The following DAB1 variants were observed in gnomAD, a reference collection of about 807,000 sequenced individuals.
DAB1 encodes DAB adaptor protein 1.
Under a neutral mutation model 64.6 loss-of-function variants are expected in DAB1, and 15 were observed. The observed-to-expected ratio is 0.23, with a 90% CI of 0.16 to 0.36. DAB1 has a LOEUF of 0.36. DAB1 is among the 10% of genes least tolerant of loss of function. DAB1 has a pLI of 1.00. For missense variants in DAB1, 596 were observed against 706.7 expected (o/e 0.84, Z 1.78); for synonymous variants, 235 against 251.9 (o/e 0.93, Z 0.64).
intron 2 of DAB1, among the ~76,000 whole-genome samples, chr1:57,162,421 A>T (rs1660837774): frequency 6.6e-6 from 1 of 152,256 alleles, no homozygotes; most frequent in African/African-American, 2.4e-5. Flanking sequence ...CTGAGGTCAT[A>T]GGCAGTGCAG....
chr1:58,504,070 C>A (rs1160704462), intron 3 of DAB1, among the ~76,000 whole-genome samples: 1 of 152,160 alleles, frequency 6.6e-6, no homozygotes, highest in African/African-American at 2.4e-5. Flanking sequence ...CTGACTCCAC[C>A]GTTGCCCCAC....
Position 58,199,258 on chromosome 1 carries a change from T to C in DAB1, n.310-48670A>G, listed in dbSNP as rs552731023. Among the ~76,000 whole-genome samples, 3 of 151,288 alleles carry C rather than the reference T, an allele frequency of 2.0e-5. No homozygotes were observed. In the South Asian group the frequency reaches 6.2e-4, roughly 31 times the overall value. The stretch of plus-strand genomic sequence containing the variant: ...GATGTCTTGTAAGGTCCTGGCTGGC[T>C]ATTTAGTTATGTGAACTCTCCATTA... On this transcript the variant is annotated intron_variant and non_coding_transcript_variant, in intron 4 of 20. Transcript: ENST00000485760.
chr1:57,993,625 G>A (rs1035298819), intron 5 of DAB1, among the ~76,000 whole-genome samples: 2 of 152,142 alleles, frequency 1.3e-5, no homozygotes, highest in East Asian at 1.9e-4. Flanking sequence ...CCCTCAAAAC[G>A]CTAAAGAAAT....
At chr1:57,751,956 A>C (rs971642981) in intron 6 of DAB1, among the ~76,000 whole-genome samples, 6 of 152,268 alleles carry the variant, frequency 3.9e-5, no homozygotes, top group Non-Finnish European at 8.8e-5. Context: ...AAACATTAAG[A>C]GACTGAAACA....
intron 5 of DAB1, among the ~76,000 whole-genome samples, chr1:58,080,837 G>A (rs1014713433): frequency 6.6e-6 from 1 of 152,194 alleles, no homozygotes; most frequent in Non-Finnish European, 1.5e-5. Context: ...TACCCATCCT[G>A]CAACTGATGT....
At chr1:57,476,347 C>G (rs1309371024) in intron 7 of DAB1, among the ~76,000 whole-genome samples, 2 of 151,724 alleles carry the variant, frequency 1.3e-5, no homozygotes, top group Non-Finnish European at 2.9e-5. Context: ...AATAAAATGT[C>G]AATTTTATTG....
At chr1:57,918,635 T>C (rs1449987024) in intron 5 of DAB1, among the ~76,000 whole-genome samples, 1 of 152,002 alleles carries the variant, frequency 6.6e-6, no homozygotes, top group Non-Finnish European at 1.5e-5. Flanking sequence ...CCATCCTGGC[T>C]AACACAGTGA....
intron 6 of DAB1, among the ~76,000 whole-genome samples, chr1:57,716,576 T>G (rs1187848439): frequency 6.6e-6 from 1 of 152,054 alleles, no homozygotes; most frequent in Non-Finnish European, 1.5e-5. Context: ...TACACAAAAA[T>G]CAACTCTAAG....
Position 57,519,805 on chromosome 1 carries a change from C to T in DAB1, n.625+129787G>A, listed in dbSNP as rs185191439. Among the ~76,000 whole-genome samples the T allele has an allele frequency of 2.0e-3, 298 of 152,216 alleles. 1 individual carries two copies. The highest frequency in any genetic ancestry group is 0.017 in the East Asian group (90 of 5,182). ...AGCTGTTCAAAGGAATATAATCCCC[C>T]GGCACTTCTATTGATCTAAGGGAAT... On this transcript the variant is annotated intron_variant and non_coding_transcript_variant, in intron 7 of 20. Transcript: ENST00000485760.
At chr1:58,072,384 A>G (rs1649331316) in intron 5 of DAB1, among the ~76,000 whole-genome samples, 1 of 152,184 alleles carries the variant, frequency 6.6e-6, no homozygotes, top group Non-Finnish European at 1.5e-5. Context: ...AAAATTAACA[A>G]TCCAGAAGCA....
rs796333984 is a variant in DAB1, at chr1:57,057,774, AT to A, written c.723+5109del. On this transcript the variant is annotated intron_variant, in intron 9 of 14. Transcript: ENST00000371236. ...AGGTGCCTGCCACCATGCCTGGCTA[AT>A]TTTTTTGTATTTTTAGTAGAGACGG... Among the ~76,000 whole-genome samples the A allele has an allele frequency of 5.1e-3, 202 of 39,976 alleles. 2 individuals carry two copies. Among genetic ancestry groups the A allele is most frequent in the Admixed American group, 0.013 (42 of 3,300 alleles). The allele number at this position is 39,976 out of a possible 152,430, so 26.2% of individuals were successfully genotyped here.
chr1:58,255,922 A>G (rs1194155057), intron 4 of DAB1, among the ~76,000 whole-genome samples: 3 of 152,214 alleles, frequency 2.0e-5, no homozygotes, highest in Non-Finnish European at 4.4e-5. Context: ...ACCTGAAGAA[A>G]TCAAACTAAT....
At position 57,321,030 on chromosome 1, in the gene DAB1, C is replaced by T. The variant is rs376618979; in HGVS notation, c.-136-29864G>A. ...GATTAATACAGCTTAAAAAGTGCAA[C>T]CAAATGCATTAATTTTACAGATGAT... is the stretch of plus-strand genomic sequence containing the variant. On this transcript the variant is annotated intron_variant, in intron 1 of 14. Coordinates refer to ENST00000371236, the MANE Select transcript of DAB1 (RefSeq NM_001365792.1). Among the ~76,000 whole-genome samples the T allele has an allele frequency of 4.8e-4, 73 of 152,204 alleles. 2 individuals are homozygous for T. In the South Asian group the frequency reaches 0.015, roughly 31 times the overall value.
At chr1:57,840,837 G>A (rs1653016627) in intron 1 of DAB1, among the ~76,000 whole-genome samples, 1 of 152,090 alleles carries the variant, frequency 6.6e-6, no homozygotes, top group Non-Finnish European at 1.5e-5. Flanking sequence ...TTTTTGGGTG[G>A]GGACACAGAA....
intron 4 of DAB1, among the ~76,000 whole-genome samples, chr1:57,132,088 C>T (rs1166810414): frequency 6.6e-6 from 1 of 152,168 alleles, no homozygotes; most frequent in East Asian, 1.9e-4. Context: ...CTCCAACTCA[C>T]TCCTCCACTG....
At chr1:58,247,076 A>G (rs12083015) in intron 4 of DAB1, among the ~76,000 whole-genome samples, 2,243 of 152,296 alleles carry the variant, frequency 0.015, 59 homozygotes, top group African/African-American at 0.052. Flanking sequence ...GCCATGTTCT[A>G]GAAAGATGTG....
At chr1:57,375,789 T>C (rs1422151270) in intron 1 of DAB1, among the ~76,000 whole-genome samples, 1 of 152,226 alleles carries the variant, frequency 6.6e-6, no homozygotes, top group Non-Finnish European at 1.5e-5. Flanking sequence ...TATTTTCATT[T>C]CTGTCTCCTT....
intron 2 of DAB1, among the ~76,000 whole-genome samples, chr1:57,193,473 A>G (rs1569842975): frequency 8.0e-6 from 1 of 124,484 alleles, no homozygotes; most frequent in South Asian, 2.6e-4. Flanking sequence ...TACAAGCTCC[A>G]CCTCCCGGGT....
intron 9 of DAB1, among the ~76,000 whole-genome samples, chr1:57,037,880 G>T (rs1009804811): frequency 6.6e-6 from 1 of 152,198 alleles, no homozygotes; most frequent in Admixed American, 6.5e-5. Context: ...CTAGAGACCA[G>T]CCCTGTCCAA....
Sources: gnomAD v4.1 joint callset for allele counts (sites outside exome capture counted in the v4.1 genomes callset) on GRCh38, gnomAD v4.1.1 for gene constraint, MANE v1.5 for transcripts, NCBI Gene and HGNC (gene_info 2026-07-23, HGNC 2026-07-21) for gene names.